The following MAGI2 variants were observed in gnomAD, a reference collection of about 807,000 sequenced individuals.
MAGI2 encodes the protein membrane-associated guanylate kinase, WW and PDZ domain-containing protein 2.
A neutral mutation model predicts 133.3 loss-of-function variants in MAGI2; 35 were observed. That is an observed-to-expected ratio of 0.26 (90% CI 0.20 to 0.35). MAGI2 has a LOEUF of 0.35. Among genes scored for constraint, MAGI2 ranks in the 10% least tolerant of loss-of-function variants. MAGI2 has a pLI of 1.00. For synonymous variants in MAGI2, 729 were observed against 710.6 expected, an observed-to-expected ratio of 1.03 and a Z score of -0.41; for missense variants, 1,636 against 1,863.4, an observed-to-expected ratio of 0.88 and a Z score of 2.25.
At chr7:78,719,723 T>A (rs1820078635) in intron 2 of MAGI2, among the ~76,000 whole-genome samples, 1 of 152,206 alleles carries the variant, frequency 6.6e-6, no homozygotes, top group East Asian at 1.9e-4. Context: ...GTTTGACATA[T>A]GAGGGGCCTG....
chr7:79,061,882 C>T (rs960932581), intron 1 of MAGI2, among the ~76,000 whole-genome samples: 3 of 152,010 alleles, frequency 2.0e-5, no homozygotes, highest in Admixed American at 1.3e-4. Context: ...ACCTGCTCCA[C>T]CTTATACATG....
chr7:78,319,295 AAAAC>A (rs929385177), intron 9 of MAGI2, among the ~76,000 whole-genome samples: 1 of 94,134 alleles, frequency 1.1e-5, no homozygotes, highest in South Asian at 4.9e-4. Context: ...ATGGAAAGCA[AAAAC>A]AAACAAAAAA....
chr7:78,354,542 G>A (rs1418471504), intron 7 of MAGI2, among the ~76,000 whole-genome samples: 1 of 152,162 alleles, frequency 6.6e-6, no homozygotes, highest in Non-Finnish European at 1.5e-5. Flanking sequence ...GGACAAGGCT[G>A]TGGCAGATTA....
At chr7:78,817,201 A>G (rs1227511391) in intron 2 of MAGI2, among the ~76,000 whole-genome samples, 1 of 152,250 alleles carries the variant, frequency 6.6e-6, no homozygotes, top group African/African-American at 2.4e-5. Context: ...GAATTGCTAC[A>G]AACTCATGAC....
intron 9 of MAGI2, among the ~76,000 whole-genome samples, chr7:78,292,208 T>C (rs1238848907): frequency 6.6e-6 from 1 of 152,212 alleles, no homozygotes; most frequent in East Asian, 1.9e-4. Flanking sequence ...CAAAACCTCC[T>C]TAAGCTGATA....
chr7:79,231,302 T>G (rs951230873), intron 1 of MAGI2, among the ~76,000 whole-genome samples: 2 of 65,062 alleles, frequency 3.1e-5, no homozygotes, highest in African/African-American at 8.8e-5. Flanking sequence ...ATATGAACTT[T>G]AAAGTAGTTT....
At chr7:78,202,812 CTCTCTT>C (rs1829383197) in intron 10 of MAGI2, among the ~76,000 whole-genome samples, 1 of 151,808 alleles carries the variant, frequency 6.6e-6, no homozygotes, top group Non-Finnish European at 1.5e-5. Context: ...GTAAAATTAG[CTCTCTT>C]TCTGTCTTAC....
intron 1 of MAGI2, among the ~76,000 whole-genome samples, chr7:79,064,235 A>G (rs529945964): frequency 1.3e-5 from 2 of 152,228 alleles, no homozygotes; most frequent in Non-Finnish European, 2.9e-5. Context: ...TAGATCTTCA[A>G]TGTGTTGCTC....
intron 3 of MAGI2, among the ~76,000 whole-genome samples, chr7:78,560,605 G>T (rs187833743): frequency 2.1e-3 from 316 of 152,190 alleles, no homozygotes; most frequent in Admixed American, 3.1e-3. Flanking sequence ...CAAAAGACAG[G>T]TGTTACAGAA....
intron 2 of MAGI2, among the ~76,000 whole-genome samples, chr7:78,936,624 C>G (rs1800538647): frequency 6.6e-6 from 1 of 151,984 alleles, no homozygotes; most frequent in Non-Finnish European, 1.5e-5. Context: ...AATGCATACT[C>G]ATGTAAACAT....
At chr7:78,656,671 T>C (rs746217058) in intron 2 of MAGI2, among the ~76,000 whole-genome samples, 1 of 152,236 alleles carries the variant, frequency 6.6e-6, no homozygotes, top group East Asian at 1.9e-4. Context: ...AGAGAAAAAG[T>C]AAGCAAGGAG....
At chr7:78,162,387 C>A (rs1230023706) in intron 15 of MAGI2, among the ~76,000 whole-genome samples, 1 of 150,992 alleles carries the variant, frequency 6.6e-6, no homozygotes, top group East Asian at 1.9e-4. Context: ...TAGCTGGGCG[C>A]AGTGGTGGGC....
intron 2 of MAGI2, among the ~76,000 whole-genome samples, chr7:78,693,327 A>G (rs1817165262): frequency 6.6e-6 from 1 of 152,128 alleles, no homozygotes; most frequent in African/African-American, 2.4e-5. Flanking sequence ...GTAGCATTGT[A>G]ACTTCTATTA....
At chr7:78,490,850 T>C (rs1793539044) in intron 5 of MAGI2, among the ~76,000 whole-genome samples, 1 of 152,018 alleles carries the variant, frequency 6.6e-6, no homozygotes, top group East Asian at 1.9e-4. Context: ...GTGACATTTA[T>C]GAGGGGTTTG....
chr7:78,262,494 T>C (rs546212334), intron 9 of MAGI2, among the ~76,000 whole-genome samples: 5 of 152,124 alleles, frequency 3.3e-5, no homozygotes, highest in Non-Finnish European at 7.4e-5. Context: ...CCTAACATCC[T>C]TTAGTGCCCA....
rs1456703287 is a variant in MAGI2 at position 79,096,291 on chromosome 7, CA to C, written c.302-89086del. Among the ~76,000 whole-genome samples, 3 of 152,264 alleles carry C rather than the reference CA, an allele frequency of 2.0e-5. No homozygotes were observed. In the East Asian group the frequency reaches 5.8e-4, roughly 29 times the overall value. ...CCTCCCAGTAAGAAGGAAGTTTTGG[CA>C]GTAGGTGTGTTCTTCTACCTATAGC... is the stretch of plus-strand genomic sequence containing the variant. On this transcript the variant is annotated intron_variant, in intron 1 of 21. Coordinates refer to ENST00000354212, the MANE Select transcript of MAGI2 (RefSeq NM_012301.4).
chr7:78,429,944 G>A (rs1799637002), intron 6 of MAGI2, among the ~76,000 whole-genome samples: 1 of 152,140 alleles, frequency 6.6e-6, no homozygotes, highest in Non-Finnish European at 1.5e-5. Context: ...TAGTGATGGA[G>A]TTGGGATCTG....
intron 10 of MAGI2, chr7:78,252,139 T>TAAAAAAAA (rs59245045): frequency 8.2e-6 from 1 of 122,218 alleles, no homozygotes; most frequent in Non-Finnish European, 1.7e-5. Flanking sequence ...CCCTGTCTAT[T>TAAAAAAAA]AAAAAAAAAA....
intron 10 of MAGI2, among the ~76,000 whole-genome samples, chr7:78,205,133 G>A (rs752003776): frequency 6.6e-6 from 1 of 152,132 alleles, no homozygotes; most frequent in Non-Finnish European, 1.5e-5. Flanking sequence ...AACTAAACAC[G>A]ATTTATTTTT....
Sources: gnomAD v4.1 joint callset for allele counts (sites outside exome capture counted in the v4.1 genomes callset) on GRCh38, gnomAD v4.1.1 for gene constraint, MANE v1.5 for transcripts, NCBI Gene and HGNC (gene_info 2026-07-23, HGNC 2026-07-21) for gene names.